The following WWC2 variants were observed in gnomAD, a reference collection of about 807,000 sequenced individuals.
WWC2 encodes the protein WW and C2 domain containing 2, also known as protein WWC2.
A neutral mutation model predicts 138.5 loss-of-function variants in WWC2; 101 were observed. The ratio of observed to expected loss-of-function variants is 0.73; its 90% CI spans 0.62 to 0.86. The LOEUF (loss-of-function observed/expected upper bound fraction) is 0.86. Among genes scored for constraint, WWC2 ranks in the 40% least tolerant of loss-of-function variants. WWC2 has a pLI of 0.00. For missense variants in WWC2, 1,420 were observed against 1,419.4 expected, an observed-to-expected ratio of 1.00 and a Z score of -0.01; for synonymous variants, 558 against 538.4, an observed-to-expected ratio of 1.04 and a Z score of -0.50.
intron 11 of WWC2, 144 bp from the exon 12 acceptor site, chr4:183,264,834 A>C: frequency 1.2e-6 from 1 of 868,526 alleles, no homozygotes; most frequent in East Asian, 3.2e-5. Flanking sequence ...AGTTGTTTAC[A>C]GCTGTAGATT....
At chr4:183,159,388 C>G (rs1733894251) in intron 1 of WWC2, among the ~76,000 whole-genome samples, 1 of 152,082 alleles carries the variant, frequency 6.6e-6, no homozygotes, top group South Asian at 2.1e-4. Context: ...TCAGATTCTT[C>G]TCTCAACAGT....
rs1739598549 is a variant in WWC2, at chr4:183,320,205, A to T, written c.*4476A>T. 1 of 1,613,502 alleles carries T rather than the reference A, an allele frequency of 6.2e-7. No homozygotes were observed. The highest frequency in any genetic ancestry group is 8.5e-7 in the Non-Finnish European group (1 of 1,179,844). On this transcript the variant is annotated 3_prime_UTR_variant, in exon 23 of 23. Coordinates refer to ENST00000403733, the MANE Select transcript of WWC2 (RefSeq NM_024949.6). The stretch of plus-strand genomic sequence containing the variant: ...TCCAGCTAGTTGAGCTACAGTTCTA[A>T]ATACTAAAGCCATTATAATGTCCTG...
At chr4:183,203,890 C>G (rs768883868) in intron 2 of WWC2, among the ~76,000 whole-genome samples, 23 of 152,140 alleles carry the variant, frequency 1.5e-4, no homozygotes, top group Non-Finnish European at 2.8e-4. Flanking sequence ...TTACTAAGAG[C>G]CGCCATCACA....
At chr4:183,150,186 C>T (rs1230848338) in intron 1 of WWC2, among the ~76,000 whole-genome samples, 1 of 152,192 alleles carries the variant, frequency 6.6e-6, no homozygotes, top group Non-Finnish European at 1.5e-5. Context: ...TGTACCTGTC[C>T]ATTTCAGCTG....
chr4:183,300,528 A>C (rs188074069), intron 21 of WWC2, among the ~76,000 whole-genome samples: 1 of 152,110 alleles, frequency 6.6e-6, no homozygotes, highest in Non-Finnish European at 1.5e-5. Context: ...AATCTTAATG[A>C]TTACAGAAAA....
At chr4:183,200,674 C>T (rs2111225315) in intron 2 of WWC2, among the ~76,000 whole-genome samples, 1 of 152,280 alleles carries the variant, frequency 6.6e-6, no homozygotes, top group African/African-American at 2.4e-5. Context: ...GATTCACTTC[C>T]TTGCTGGCTG....
Position 183,269,138 on chromosome 4 carries a change from G to C in WWC2, c.2375G>C (p.Ser792Thr). Residue 792 changes from serine (S) to threonine (T), a missense_variant, in exon 15 of 23, where the codon AGT (serine) becomes ACT (threonine). Coordinates refer to ENST00000403733, the MANE Select transcript of WWC2 (RefSeq NM_024949.6). ...CTGAGGGTAGACCTTTGCTCTGTCAGTAAACACCGAAGGGAAGAATGCCTG... is the reference window on the plus strand; with the variant it reads ...CTGAGGGTAGACCTTTGCTCTGTCACTAAACACCGAAGGGAAGAATGCCTG... ...KTLRVDLCSV[S>T]KHRREECLAG... The C allele has an allele frequency of 1.2e-6, 2 of 1,611,440 alleles. No homozygotes were observed. The highest frequency in any genetic ancestry group is 1.1e-5 in the South Asian group (1 of 90,128).
intron 2 of WWC2, chr4:183,203,625 T>G (rs1004563547): frequency 6.6e-6 from 1 of 152,172 alleles, no homozygotes; most frequent in Admixed American, 6.5e-5. Context: ...CATCAAGGGC[T>G]TAAAATCTAA....
chr4:183,268,745 G>T (rs1444737347), intron 14 of WWC2, among the ~76,000 whole-genome samples: 4 of 152,178 alleles, frequency 2.6e-5, no homozygotes, highest in Non-Finnish European at 5.9e-5. Flanking sequence ...CTCGTGGTGA[G>T]TGGAGGCTGG....
At chr4:183,103,638 CTTTTTTTT>C (rs576659490) in intron 1 of WWC2, among the ~76,000 whole-genome samples, 2 of 120,290 alleles carry the variant, frequency 1.7e-5, no homozygotes, top group Admixed American at 8.7e-5. Context: ...TTGTGTTTCT[CTTTTTTTT>C]TTTTTTTTTT....
chr4:183,099,430 T>TTCCCGCCGCG lies in WWC2; in HGVS notation c.-55_-46dup. The TTCCCGCCGCG allele has an allele frequency of 2.5e-6, 3 of 1,192,602 alleles. No individual in the cohort carries two copies. The highest frequency in any genetic ancestry group is 3.1e-6 in the Non-Finnish European group (3 of 957,704). The allele number at this position is 1,192,602 out of a possible 1,614,324, so 73.9% of individuals were successfully genotyped here. ...TTGGCAGCCTAGCCCGGCAGCCGCG[T>TTCCCGCCGCG]TCCCGCCGCGTCCCGCGCCCGGTAC... On this transcript the variant is annotated 5_prime_UTR_variant, in exon 1 of 23. Transcript: ENST00000403733.
At chr4:183,195,506 C>T (rs1735114566) in intron 2 of WWC2, among the ~76,000 whole-genome samples, 1 of 152,184 alleles carries the variant, frequency 6.6e-6, no homozygotes, top group Non-Finnish European at 1.5e-5. Flanking sequence ...CTCTTAATAA[C>T]TTTTCTATTT....
intron 21 of WWC2, among the ~76,000 whole-genome samples, chr4:183,303,285 C>G (rs1318966926): frequency 6.6e-6 from 1 of 152,166 alleles, no homozygotes; most frequent in Admixed American, 6.5e-5. Flanking sequence ...AAATAAACTG[C>G]TGGTTCAAAA....
chr4:183,283,271 T>A (rs1320127758), intron 18 of WWC2, among the ~76,000 whole-genome samples: 4 of 152,242 alleles, frequency 2.6e-5, no homozygotes, highest in Non-Finnish European at 2.9e-5. Flanking sequence ...ATTTCAAACA[T>A]GAAGTAAACA....
At chr4:183,135,544 TTA>T (rs376850602) in intron 1 of WWC2, among the ~76,000 whole-genome samples, 20 of 149,904 alleles carry the variant, frequency 1.3e-4, no homozygotes, top group Admixed American at 2.7e-4. Context: ...AGTACTTTAA[TTA>T]TATATATATA....
At chr4:183,160,949 TTAAAGA>T in intron 1 of WWC2, among the ~76,000 whole-genome samples, 1 of 151,716 alleles carries the variant, frequency 6.6e-6, no homozygotes, top group Middle Eastern at 3.4e-3. Context: ...CTTTAAGGAG[TTAAAGA>T]TAGAGCAACT....
intron 1 of WWC2, among the ~76,000 whole-genome samples, chr4:183,118,424 G>A (rs897278912): frequency 5.9e-5 from 9 of 152,052 alleles, no homozygotes; most frequent in African/African-American, 2.2e-4. Flanking sequence ...ATGGTAGCTA[G>A]AAATATATTG....
intron 21 of WWC2, among the ~76,000 whole-genome samples, chr4:183,303,060 C>CAA (rs35439586): frequency 0.079 from 6,535 of 82,404 alleles, 280 homozygotes; most frequent in African/African-American, 0.11. Context: ...GACTCCATCT[C>CAA]AAAAAAAAAA....
chr4:183,107,788 C>T (rs1251298588), intron 1 of WWC2, among the ~76,000 whole-genome samples: 1 of 151,520 alleles, frequency 6.6e-6, no homozygotes, highest in Non-Finnish European at 1.5e-5. Context: ...TATCAACCAG[C>T]CAGGTACCCT....
Sources: gnomAD v4.1 joint callset for allele counts (sites outside exome capture counted in the v4.1 genomes callset) on GRCh38, gnomAD v4.1.1 for gene constraint, MANE v1.5 for transcripts, NCBI Gene and HGNC (gene_info 2026-07-23, HGNC 2026-07-21) for gene names.